MLKL: variants seen among roughly 807,000 people sequenced by gnomAD.
MLKL encodes the protein mixed lineage kinase domain like pseudokinase, also known as mixed lineage kinase domain-like protein.
A neutral mutation model predicts 56.5 loss-of-function variants in MLKL; 55 were observed. That is an observed-to-expected ratio of 0.97 (90% CI 0.78 to 1.22). The LOEUF (loss-of-function observed/expected upper bound fraction) is 1.22. MLKL is among the 50% of genes most tolerant of loss of function. MLKL has a pLI of 0.00. For missense variants in MLKL, 694 were observed against 573.9 expected, an observed-to-expected ratio of 1.21 and a Z score of -2.14; for synonymous variants, 251 against 208.3, an observed-to-expected ratio of 1.20 and a Z score of -1.76.
At chr16:74,682,838 C>A in intron 5 of MLKL, 52 bp from the exon 6 acceptor site, 1 of 1,601,756 alleles carries the variant, frequency 6.2e-7, no homozygotes, top group South Asian at 1.1e-5. Flanking sequence ...TGAAGCTTCC[C>A]ATGTCTGCAG....
At chr16:74,681,266 T>C (rs571289891) in intron 6 of MLKL, among the ~76,000 whole-genome samples, 5 of 152,066 alleles carry the variant, frequency 3.3e-5, no homozygotes, top group Non-Finnish European at 7.4e-5. Context: ...CCTCAAGTGA[T>C]CCACCTGCCT....
chr16:74,672,296 T>A lies in MLKL; in HGVS notation c.*208A>T, dbSNP rs1959274503. The A allele has an allele frequency of 1.2e-5, 6 of 501,226 alleles. No homozygotes were observed. In the Admixed American group the frequency reaches 2.0e-4, roughly 17 times the overall value. The allele number at this position is 501,226 out of a possible 1,614,324, so 31.0% of individuals were successfully genotyped here. On this transcript the variant is annotated 3_prime_UTR_variant, in exon 11 of 11. Transcript: ENST00000308807. Reference sequence around the variant, plus strand: ...CATTTGACAAACCATCTATCAAAGTTACTGTCAGAGGTATGTTTTTGGAAA... The same window carrying A: ...CATTTGACAAACCATCTATCAAAGTAACTGTCAGAGGTATGTTTTTGGAAA...
chr16:74,675,920 T>G, intron 7 of MLKL, 156 bp from the exon 8 acceptor site: 1 of 761,902 alleles, frequency 1.3e-6, no homozygotes, highest in Non-Finnish European at 2.1e-6. Context: ...ACTTTATTGG[T>G]TAACATTATG....
intron 4 of MLKL, among the ~76,000 whole-genome samples, chr16:74,686,807 A>T (rs1281778096): frequency 6.6e-6 from 1 of 152,198 alleles, no homozygotes; most frequent in Non-Finnish European, 1.5e-5. Context: ...GCCTATAAAA[A>T]TCAATTGTAT....
At chr16:74,694,712 T>C (rs961954417) in intron 2 of MLKL, among the ~76,000 whole-genome samples, 1 of 152,140 alleles carries the variant, frequency 6.6e-6, no homozygotes, top group African/African-American at 2.4e-5. Context: ...CAGTGAGCTA[T>C]GATTGTGCCG....
intron 4 of MLKL, among the ~76,000 whole-genome samples, chr16:74,688,735 C>A (rs1004384287): frequency 1.3e-5 from 2 of 151,834 alleles, no homozygotes; most frequent in African/African-American, 4.8e-5. Context: ...ACAAAAAACC[C>A]CCAAAACCTG....
Position 74,675,336 on chromosome 16 carries a change from C to A in MLKL, c.1240+19G>T. On this transcript the variant is annotated intron_variant, in intron 9 of 10. Coordinates refer to ENST00000308807, the MANE Select transcript of MLKL (RefSeq NM_152649.4). Reference sequence around the variant, plus strand: ...GACCCAACCTCACCACTGGCTGAGCCAGTCTTCACATTCTTCACCTTGAAA... The same window carrying A: ...GACCCAACCTCACCACTGGCTGAGCAAGTCTTCACATTCTTCACCTTGAAA... 1.2e-6 allele frequency: 2 copies of A among 1,614,156 alleles called. No homozygotes were observed. Among genetic ancestry groups the A allele is most frequent in the South Asian group, 2.2e-5 (2 of 91,078 alleles).
intron 1 of MLKL, among the ~76,000 whole-genome samples, chr16:74,699,757 A>G (rs1961263613): frequency 6.6e-6 from 1 of 152,164 alleles, no homozygotes; most frequent in Non-Finnish European, 1.5e-5. Flanking sequence ...TGACAAAGCG[A>G]GACCCTGGCT....
chr16:74,684,099 C>G (rs1049940529), intron 5 of MLKL, among the ~76,000 whole-genome samples: 3 of 151,876 alleles, frequency 2.0e-5, no homozygotes, highest in African/African-American at 7.3e-5. Context: ...AGGCACCCAC[C>G]ACCACGCCCA....
chr16:74,678,963 G>C lies in MLKL; in HGVS notation c.974C>G (p.Ala325Gly). The C allele has an allele frequency of 6.2e-7, 1 of 1,614,010 alleles. No homozygotes were observed. The highest frequency in any genetic ancestry group is 8.5e-7 in the Non-Finnish European group (1 of 1,179,930). Reference protein sequence around the residue: ...RGLYRLHHSEAPELHGKIRSS... With the variant: ...RGLYRLHHSEGPELHGKIRSS... Reference sequence around the variant, plus strand: ...TCTGATTTTTCCGTGGAGTTCAGGTGCTTCTGAATGGTGTAGCCTGACACA... The same window carrying C: ...TCTGATTTTTCCGTGGAGTTCAGGTCCTTCTGAATGGTGTAGCCTGACACA... The change falls in exon 7 of 11, where the codon GCA becomes GGA. Residue 325 changes from alanine (A) to glycine (G), a missense_variant. Ala to Gly is a moderately conservative substitution (Grantham distance 60). Coordinates refer to ENST00000308807, the MANE Select transcript of MLKL (RefSeq NM_152649.4).
intron 6 of MLKL, among the ~76,000 whole-genome samples, chr16:74,682,430 T>C (rs1270053405): frequency 3.3e-5 from 5 of 152,174 alleles, no homozygotes; most frequent in Non-Finnish European, 7.4e-5. Context: ...ACTCTATAAG[T>C]GCAGTGTGGA....
rs139601728 is a variant in MLKL, at chr16:74,691,399, C to G, written c.600G>C (p.Gln200His). 6 of 1,614,056 alleles carry G rather than the reference C, an allele frequency of 3.7e-6. No homozygotes were observed. The South Asian group carries it at 6.6e-5, about 18-fold the overall frequency. The change falls in exon 4 of 11, where the codon CAG becomes CAC. Residue 200 changes from glutamine (Q) to histidine (H), a missense_variant. Physicochemically the swap from Gln to His is conservative, Grantham distance 24. Coordinates refer to ENST00000308807, the MANE Select transcript of MLKL (RefSeq NM_152649.4). Reference protein sequence around the residue: ...QEQIKEIKKEQLSGSPWILLR... With the variant: ...QEQIKEIKKEHLSGSPWILLR... ...GCAGAATCCACGGGGATCCTGAAAG[C>G]TGCTCCTTCTTGATCTCCTTGATTT... is the stretch of plus-strand genomic sequence containing the variant.
At chr16:74,696,730 G>A (rs1434650942) in intron 1 of MLKL, among the ~76,000 whole-genome samples, 1 of 151,438 alleles carries the variant, frequency 6.6e-6, no homozygotes, top group Admixed American at 6.6e-5. Flanking sequence ...GGCTGAGGTG[G>A]GCGGATCACT....
chr16:74,685,555 TCTC>T lies in MLKL; in HGVS notation c.748_750del (p.Glu250del). 6.2e-7 allele frequency: 1 copy of T among 1,613,990 alleles called. No homozygotes were observed. The highest frequency in any genetic ancestry group is 8.5e-7 in the Non-Finnish European group (1 of 1,179,868). On this transcript the variant is annotated inframe_deletion, in exon 5 of 11. Coordinates refer to ENST00000308807, the MANE Select transcript of MLKL (RefSeq NM_152649.4). ...GATTCGAATTTCTTCATGGTTTTGA[TCTC>T]CTTATTGAAAGTCTGCCTCACTATT... is the stretch of plus-strand genomic sequence containing the variant.
intron 2 of MLKL, among the ~76,000 whole-genome samples, chr16:74,693,477 A>AGAAAGAAAG (rs1555534223): frequency 1.3e-4 from 16 of 124,602 alleles, no homozygotes; most frequent in Non-Finnish European, 2.3e-4. Flanking sequence ...AAGAAAAGAA[A>AGAAAGAAAG]AAAGAAAGAA....
chr16:74,691,540 T>G, intron 3 of MLKL, 77 bp from the exon 4 acceptor site: 1 of 1,459,942 alleles, frequency 6.8e-7, no homozygotes, highest in Non-Finnish European at 9.3e-7. Context: ...GGTGGCATAT[T>G]TGTGATGTGT....
rs1959770649 is a variant in MLKL at position 74,678,902 on chromosome 16, C to T, written c.1035G>A (p.Val345=). 3 of 1,613,908 alleles carry T rather than the reference C, an allele frequency of 1.9e-6. No homozygotes were observed. Among genetic ancestry groups the T allele is most frequent in the Non-Finnish European group, 2.5e-6 (3 of 1,179,888 alleles). The change falls in exon 7 of 11, where the codon GTG becomes GTA. Residue 345 remains valine (V), a synonymous_variant. Transcript: ENST00000308807. The part of the protein sequence containing the change: ...SNFLVTQGYQ[V]KLAGFELRKT... ...CGCCCCCGCAAGGCACACTCACCTT[C>T]ACTTGGTAGCCTTGAGTTACCAGGA...
intron 1 of MLKL, among the ~76,000 whole-genome samples, chr16:74,698,499 A>G (rs1015521039): frequency 2.0e-5 from 3 of 152,192 alleles, no homozygotes; most frequent in African/African-American, 7.2e-5. Context: ...GCACTCCTAA[A>G]AAGACTAGTG....
At chr16:74,687,312 C>T (rs376966276) in intron 4 of MLKL, among the ~76,000 whole-genome samples, 2 of 151,988 alleles carry the variant, frequency 1.3e-5, no homozygotes, top group African/African-American at 4.8e-5. Flanking sequence ...GGAAACACGT[C>T]CCATGTTCTT....
Sources: gnomAD v4.1 joint callset for allele counts (sites outside exome capture counted in the v4.1 genomes callset) on GRCh38, gnomAD v4.1.1 for gene constraint, MANE v1.5 for transcripts, NCBI Gene and HGNC (gene_info 2026-07-23, HGNC 2026-07-21) for gene names.